The following RAB28 variants were observed in gnomAD, a reference collection of about 807,000 sequenced individuals.
RAB28 encodes the protein ras-related protein Rab-28.
A neutral mutation model predicts 31.7 loss-of-function variants in RAB28; 24 were observed. The observed-to-expected ratio is 0.76, with a 90% confidence interval of 0.55 to 1.06. RAB28 has a LOEUF of 1.06. RAB28 is among the 50% of genes least tolerant of loss of function. The probability of loss-of-function intolerance (pLI) is 0.00; values close to 1 mark genes in which losing one functional copy is unlikely to be tolerated. For synonymous variants in RAB28, 100 were observed against 90.4 expected (o/e 1.11, Z -0.60); for missense variants, 254 against 258.5 (o/e 0.98, Z 0.12).
chr4:13,427,182 G>A (rs1263426681), intron 4 of RAB28, among the ~76,000 whole-genome samples: 2 of 152,116 alleles, frequency 1.3e-5, no homozygotes, highest in Non-Finnish European at 2.9e-5. Flanking sequence ...CCAAAAGGTG[G>A]GTAGGTGAAA....
intron 5 of RAB28, among the ~76,000 whole-genome samples, chr4:13,376,882 CATG>C (rs1252705788): frequency 1.3e-5 from 2 of 152,200 alleles, no homozygotes; most frequent in Admixed American, 6.5e-5. Flanking sequence ...AAAGATTTAA[CATG>C]ATGATTACAG....
intron 4 of RAB28, among the ~76,000 whole-genome samples, chr4:13,417,101 G>A (rs532534987): frequency 6.6e-6 from 1 of 152,314 alleles, no homozygotes; most frequent in Admixed American, 6.5e-5. Context: ...ACATGGCTCG[G>A]CAGGTCCCAT....
In RAB28 at chr4:13,484,228, A is replaced by T; in HGVS notation, c.-78T>A. The T allele has an allele frequency of 8.5e-7, 1 of 1,178,146 alleles. No individual in the cohort carries two copies. The highest frequency in any genetic ancestry group is 1.2e-6 in the Non-Finnish European group (1 of 809,888). The allele number at this position is 1,178,146 out of a possible 1,614,324, so 73.0% of individuals were successfully genotyped here. A position where few individuals can be genotyped will look rare whatever the true frequency, so the allele number is the denominator to read the frequency against. On this transcript the variant is annotated 5_prime_UTR_variant, in exon 1 of 7. Transcript: ENST00000330852. ...GAAGGCTCCGGGGGCGGGGGAGAGG[A>T]GGAAGGGAGGTAGTTGCGGCAGGAC...
chr4:13,416,923 C>G (rs1425937862), intron 4 of RAB28, among the ~76,000 whole-genome samples: 1 of 152,200 alleles, frequency 6.6e-6, no homozygotes, highest in Non-Finnish European at 1.5e-5. Flanking sequence ...CAAGCCGAAG[C>G]AGGGCGGGGC....
intron 3 of RAB28, chr4:13,474,056 G>T: frequency 1.7e-6 from 1 of 571,786 alleles, no homozygotes; most frequent in East Asian, 3.8e-5. Context: ...TGCATTTATT[G>T]AACTGCTAAC....
At chr4:13,392,271 A>T (rs1317117233) in intron 4 of RAB28, among the ~76,000 whole-genome samples, 1 of 152,166 alleles carries the variant, frequency 6.6e-6, no homozygotes, top group Non-Finnish European at 1.5e-5. Flanking sequence ...AGTAACAGGA[A>T]GATTATGATA....
chr4:13,455,192 G>A (rs1715229797), intron 4 of RAB28, among the ~76,000 whole-genome samples: 1 of 152,152 alleles, frequency 6.6e-6, no homozygotes, highest in South Asian at 2.1e-4. Context: ...GTGTCTGCCA[G>A]AAGTCACCCA....
At chr4:13,386,588 C>CA (rs1472063215) in intron 4 of RAB28, among the ~76,000 whole-genome samples, 2 of 151,508 alleles carry the variant, frequency 1.3e-5, no homozygotes, top group East Asian at 1.9e-4. Flanking sequence ...TGGAAAAACC[C>CA]AAAAAATAAC....
In RAB28 at chr4:13,381,566, T is replaced by A. The variant is rs1229730613; in HGVS notation, c.420A>T (p.Lys140Asn). 7 of 1,613,244 alleles carry A rather than the reference T, an allele frequency of 4.3e-6. No individual in the cohort carries two copies. Among genetic ancestry groups the A allele is most frequent in the Non-Finnish European group, 5.9e-6 (7 of 1,179,468 alleles). The stretch of plus-strand genomic sequence containing the variant: ...GGCAAAACCGTAAGTGTTTTTCAGG[T>A]TTTATTGTTCGCATATGCTCCAAAT... ...KIDLEHMRTI[K>N]PEKHLRFCQE... is the part of the protein sequence containing the mutation. Residue 140 changes from lysine (K) to asparagine (N), a missense_variant, in exon 5 of 7, where the codon AAA becomes AAT. Lys to Asn is a moderately conservative substitution (Grantham distance 94). Coordinates refer to ENST00000330852, the MANE Select transcript of RAB28 (RefSeq NM_001017979.3).
chr4:13,368,686 T>C (rs1728606691), intron 6 of RAB28, 36 bp from the exon 7 acceptor site: 5 of 1,557,714 alleles, frequency 3.2e-6, no homozygotes, highest in Non-Finnish European at 3.5e-6. Context: ...TATCAGGATA[T>C]CAGAACATTT....
chr4:13,474,953 T>G (rs1213851314), intron 2 of RAB28, among the ~76,000 whole-genome samples: 1 of 151,620 alleles, frequency 6.6e-6, no homozygotes. Flanking sequence ...GCAAACATAG[T>G]CAAAAAATTA....
chr4:13,465,587 C>G (rs898204367), intron 3 of RAB28, among the ~76,000 whole-genome samples: 3 of 151,624 alleles, frequency 2.0e-5, no homozygotes, highest in African/African-American at 7.3e-5. Flanking sequence ...TAAAGATCTT[C>G]TCAGAAAAAC....
At position 13,419,941 on chromosome 4, in the gene RAB28, CA is replaced by C. The variant is rs975866585; in HGVS notation, c.392-38348del. 8.5e-3 allele frequency among the ~76,000 whole-genome samples: 1,157 copies of C among 136,864 alleles called. 20 individuals are homozygous for C. Among genetic ancestry groups the C allele is most frequent in the African/African-American group, 0.028 (1,039 of 37,194 alleles). 89.8% of individuals were successfully genotyped at this position (136,864 alleles called of 152,430 possible). On this transcript the variant is annotated intron_variant, in intron 4 of 6. Transcript: ENST00000330852. The stretch of plus-strand genomic sequence containing the variant: ...GGAAATAGAGACACAAAAAACCCTT[CA>C]AAAAAAAAAATCAATGAATCCAGGA...
chr4:13,374,638 T>C (rs994698836), intron 6 of RAB28, among the ~76,000 whole-genome samples: 18 of 152,138 alleles, frequency 1.2e-4, no homozygotes, highest in African/African-American at 3.6e-4. Context: ...CTCAGACTTC[T>C]ATCCTCTCTT....
intron 4 of RAB28, among the ~76,000 whole-genome samples, chr4:13,444,021 T>TG (rs1714558186): frequency 6.6e-6 from 1 of 151,794 alleles, no homozygotes; most frequent in African/African-American, 2.4e-5. Context: ...GGATTTCCTT[T>TG]TTTTTTTTTT....
intron 4 of RAB28, among the ~76,000 whole-genome samples, chr4:13,455,303 G>A (rs2108955384): frequency 6.6e-6 from 1 of 152,332 alleles, no homozygotes; most frequent in South Asian, 2.1e-4. Context: ...CTGCTCAGGG[G>A]AAGGTACACA....
At chr4:13,479,197 T>C (rs1284458501) in intron 2 of RAB28, among the ~76,000 whole-genome samples, 2 of 151,698 alleles carry the variant, frequency 1.3e-5, no homozygotes, top group Admixed American at 6.6e-5. Context: ...AAAAAATGTA[T>C]AGTAGCCAAA....
At chr4:13,369,205 T>C (rs1728623753) in intron 6 of RAB28, among the ~76,000 whole-genome samples, 1 of 152,122 alleles carries the variant, frequency 6.6e-6, no homozygotes, top group Non-Finnish European at 1.5e-5. Context: ...TCTAAACCTT[T>C]CCTCCAAAAT....
intron 6 of RAB28, chr4:13,370,043 A>G: frequency 6.5e-7 from 1 of 1,534,788 alleles, no homozygotes; most frequent in Non-Finnish European, 8.7e-7. Context: ...AGTATGTTCA[A>G]TGACTGAATA....
Sources: allele counts gnomAD v4.1 joint callset (sites outside exome capture counted in the v4.1 genomes callset), GRCh38; gene constraint gnomAD v4.1.1; transcripts MANE v1.5; gene names NCBI Gene and HGNC (gene_info 2026-07-23, HGNC 2026-07-21).